SYN3: variants seen among roughly 807,000 people sequenced by gnomAD.
SYN3 encodes synapsin III, also known as synapsin-3.
SYN3 carries 35 observed loss-of-function variants against 65.8 expected under a neutral mutation model. That is an observed-to-expected ratio of 0.53 (90% CI 0.41 to 0.70). SYN3 has a LOEUF of 0.70. Ranked by LOEUF, SYN3 falls within the 30% of genes least tolerant of loss-of-function variation. The probability of loss-of-function intolerance (pLI) is 0.00; values close to 1 mark genes in which losing one functional copy is unlikely to be tolerated. For missense variants in SYN3, 680 were observed against 749.0 expected (o/e 0.91, Z 1.08); for synonymous variants, 270 against 292.9 (o/e 0.92, Z 0.80).
At chr22:32,687,288 G>C (rs1030008940) in intron 6 of SYN3, among the ~76,000 whole-genome samples, 1 of 151,798 alleles carries the variant, frequency 6.6e-6, no homozygotes, top group Non-Finnish European at 1.5e-5. Flanking sequence ...TCAGCCTGCC[G>C]AGTAGCTGGG....
chr22:33,010,070 T>C (rs2053313017), intron 1 of SYN3, among the ~76,000 whole-genome samples: 1 of 151,994 alleles, frequency 6.6e-6, no homozygotes, highest in South Asian at 2.1e-4. Flanking sequence ...CCGTCTCTAC[T>C]AAAAATACAA....
intron 3 of SYN3, among the ~76,000 whole-genome samples, chr22:32,941,672 A>G (rs1434871040): frequency 2.0e-5 from 3 of 152,160 alleles, no homozygotes; most frequent in Non-Finnish European, 4.4e-5. Flanking sequence ...CGGGAAGCGC[A>G]AGGGGTAAGG....
rs1437382228 is a variant in SYN3 at position 32,569,596 on chromosome 22, ATC to A, written c.774+27076_774+27077del. On this transcript the variant is annotated intron_variant, in intron 7 of 13. Coordinates refer to ENST00000358763, the MANE Select transcript of SYN3 (RefSeq NM_003490.4). Reference sequence around the variant, plus strand: ...CTATATATATATATATATAAAATCTATCTATTTCTTCTAGGTGATGGTTATTA... The same window carrying A: ...CTATATATATATATATATAAAATCTATATTTCTTCTAGGTGATGGTTATTA... Among the ~76,000 whole-genome samples, 18 of 69,320 alleles carry A rather than the reference ATC, an allele frequency of 2.6e-4. No homozygotes were observed. The East Asian group carries it at 4.3e-3, about 17-fold the overall frequency. The allele number at this position is 69,320 out of a possible 152,430, so 45.5% of individuals were successfully genotyped here. A position where few individuals can be genotyped will look rare whatever the true frequency, so the allele number is the denominator to read the frequency against.
intron 6 of SYN3, among the ~76,000 whole-genome samples, chr22:32,627,882 G>A (rs1401493084): frequency 6.6e-6 from 1 of 152,140 alleles, no homozygotes; most frequent in African/African-American, 2.4e-5. Context: ...AGGCTGGAGT[G>A]CAGTGGCACC....
At chr22:32,882,115 G>A (rs143760078) in intron 4 of SYN3, among the ~76,000 whole-genome samples, 90 of 151,478 alleles carry the variant, frequency 5.9e-4, no homozygotes, top group African/African-American at 1.9e-3. Context: ...AGGATGTGAC[G>A]TCTGTCTGTG....
At chr22:32,568,929 A>G (rs978208402) in intron 7 of SYN3, among the ~76,000 whole-genome samples, 1 of 152,184 alleles carries the variant, frequency 6.6e-6, no homozygotes, top group Non-Finnish European at 1.5e-5. Flanking sequence ...CTGGGTTTGT[A>G]GAATTCCATT....
At chr22:32,942,559 G>A (rs1026167458) in intron 3 of SYN3, among the ~76,000 whole-genome samples, 6 of 152,200 alleles carry the variant, frequency 3.9e-5, no homozygotes, top group Non-Finnish European at 7.3e-5. Context: ...CCAAAGGAAC[G>A]CAGCTTCTCA....
chr22:32,708,951 G>A (rs142174458), intron 6 of SYN3, among the ~76,000 whole-genome samples: 175 of 152,308 alleles, frequency 1.1e-3, no homozygotes, highest in African/African-American at 4.0e-3. Context: ...GGCTGTGCAC[G>A]GGCCTGGCAT....
At position 32,912,278 on chromosome 22, in the gene SYN3, A is replaced by G. The variant is rs184808622; in HGVS notation, c.461+19112T>C. 8.9e-4 allele frequency among the ~76,000 whole-genome samples: 135 copies of G among 152,258 alleles called. 1 individual carries two copies. The highest frequency in any genetic ancestry group is 3.1e-3 in the African/African-American group (129 of 41,554). Reference sequence around the variant, plus strand: ...TTGAGCTGAGGAAAGGATGAGCAGAAGGTTTTTTTGGTGAAATAAGAAGGG... The same window carrying G: ...TTGAGCTGAGGAAAGGATGAGCAGAGGGTTTTTTTGGTGAAATAAGAAGGG... On this transcript the variant is annotated intron_variant, in intron 4 of 13. Transcript: ENST00000358763.
rs2060356054 is a variant in SYN3 at position 32,671,177 on chromosome 22, G to C, written c.712-74441C>G. Among the ~76,000 whole-genome samples, 3 of 152,102 alleles carry C rather than the reference G, an allele frequency of 2.0e-5. No homozygotes were observed. In the South Asian group the frequency reaches 6.2e-4, roughly 32 times the overall value. ...AGAGGTTTTTGGGGTGCACGGGTTAGGGTGCTAGGGATCCTCACTAGATCT... is the reference window on the plus strand; with the variant it reads ...AGAGGTTTTTGGGGTGCACGGGTTACGGTGCTAGGGATCCTCACTAGATCT... On this transcript the variant is annotated intron_variant, in intron 6 of 13. Coordinates refer to ENST00000358763, the MANE Select transcript of SYN3 (RefSeq NM_003490.4).
intron 6 of SYN3, among the ~76,000 whole-genome samples, chr22:32,602,434 T>C (rs535080772): frequency 1.3e-5 from 2 of 150,648 alleles, no homozygotes; most frequent in East Asian, 3.9e-4. Context: ...TCTATCCCGA[T>C]AGTTTTTTGT....
chr22:32,929,594 TA>T (rs2050572489), intron 4 of SYN3, among the ~76,000 whole-genome samples: 1 of 152,196 alleles, frequency 6.6e-6, no homozygotes, highest in East Asian at 1.9e-4. Context: ...GGGATCACCA[TA>T]AACCAAGTTC....
intron 7 of SYN3, among the ~76,000 whole-genome samples, chr22:32,555,275 T>C (rs902093422): frequency 6.6e-6 from 1 of 152,182 alleles, no homozygotes; most frequent in African/African-American, 2.4e-5. Context: ...GGAATAATGC[T>C]TGAAGAGGGG....
intron 6 of SYN3, among the ~76,000 whole-genome samples, chr22:32,845,995 G>A (rs2048051768): frequency 6.6e-6 from 1 of 152,124 alleles, no homozygotes; most frequent in Non-Finnish European, 1.5e-5. Context: ...GTGGATCTGG[G>A]GTTGGCCAGC....
intron 6 of SYN3, among the ~76,000 whole-genome samples, chr22:32,608,962 TC>T (rs1254911522): frequency 6.6e-6 from 1 of 152,192 alleles, no homozygotes; most frequent in Non-Finnish European, 1.5e-5. Flanking sequence ...TTTTTCTTCT[TC>T]TTTTTTTTAA....
In SYN3 at chr22:32,516,641, C is replaced by G. The variant is rs150244493; in HGVS notation, c.1610+1402G>C. Among the ~76,000 whole-genome samples the G allele has an allele frequency of 6.0e-3, 918 of 152,342 alleles. 6 individuals carry two copies. Among genetic ancestry groups the G allele is most frequent in the African/African-American group, 0.02 (812 of 41,568 alleles). On this transcript the variant is annotated intron_variant, in intron 13 of 13. Coordinates refer to ENST00000358763, the MANE Select transcript of SYN3 (RefSeq NM_003490.4). Reference sequence around the variant, plus strand: ...TTGGCCTCCCAAAGTGTTGGGATTACAGGCATGAGCCACCACACCTGGCCT... The same window carrying G: ...TTGGCCTCCCAAAGTGTTGGGATTAGAGGCATGAGCCACCACACCTGGCCT...
chr22:32,828,825 G>A (rs1301554932), intron 6 of SYN3, among the ~76,000 whole-genome samples: 1 of 152,188 alleles, frequency 6.6e-6, no homozygotes, highest in Non-Finnish European at 1.5e-5. Flanking sequence ...GCCAGCGGTG[G>A]GGAGGGGAGT....
chr22:32,540,934 C>A (rs896044790), intron 8 of SYN3, among the ~76,000 whole-genome samples: 1 of 152,138 alleles, frequency 6.6e-6, no homozygotes, highest in South Asian at 2.1e-4. Context: ...TTCTGGCTGC[C>A]CACCTTCCTG....
At chr22:33,021,224 A>G (rs762667066) in intron 1 of SYN3, among the ~76,000 whole-genome samples, 21 of 152,290 alleles carry the variant, frequency 1.4e-4, no homozygotes, top group Non-Finnish European at 2.2e-4. Flanking sequence ...CAAAGTGGGG[A>G]TACCAATACC....
Sources: allele counts gnomAD v4.1 joint callset (sites outside exome capture counted in the v4.1 genomes callset), GRCh38; gene constraint gnomAD v4.1.1; transcripts MANE v1.5; gene names NCBI Gene and HGNC (gene_info 2026-07-23, HGNC 2026-07-21).